Variants in DISC1 observed in about 807,000 individuals in gnomAD.
DISC1 encodes disrupted in schizophrenia 1 protein.
Under a neutral mutation model 84.5 loss-of-function variants are expected in DISC1, and 57 were observed. The observed-to-expected ratio is 0.67, with a 90% confidence interval of 0.55 to 0.84. The LOEUF is 0.84. DISC1 is among the 40% of genes least tolerant of loss of function. DISC1 has a pLI of 0.00. For synonymous variants in DISC1, 411 were observed against 415.2 expected (o/e 0.99, Z 0.12); for missense variants, 1,000 against 1,057.8 (o/e 0.95, Z 0.76).
intron 6 of DISC1, among the ~76,000 whole-genome samples, chr1:231,775,853 GA>G (rs1273867491): frequency 2.0e-5 from 3 of 151,862 alleles, no homozygotes; most frequent in African/African-American, 4.8e-5. Flanking sequence ...TCTCCCACAC[GA>G]AACCCATGGT....
intron 11 of DISC1, among the ~76,000 whole-genome samples, chr1:232,022,311 C>CTTT (rs764839678): frequency 7.4e-6 from 1 of 135,936 alleles, no homozygotes; most frequent in Non-Finnish European, 1.6e-5. Context: ...ACCCATGGTT[C>CTTT]TTTTTTTTTT....
At chr1:231,640,733 C>T (rs548198682) in intron 1 of DISC1, among the ~76,000 whole-genome samples, 36 of 151,982 alleles carry the variant, frequency 2.4e-4, no homozygotes, top group African/African-American at 7.7e-4. Context: ...ACAGGATCTC[C>T]CTATGTTACC....
intron 1 of DISC1, among the ~76,000 whole-genome samples, chr1:231,628,423 A>T (rs558392697): frequency 6.6e-6 from 1 of 152,370 alleles, no homozygotes; most frequent in East Asian, 1.9e-4. Flanking sequence ...CACATATAAG[A>T]CATGATAGTA....
At chr1:232,027,111 C>G (rs931069072) in intron 12 of DISC1, among the ~76,000 whole-genome samples, 1 of 152,148 alleles carries the variant, frequency 6.6e-6, no homozygotes, top group Non-Finnish European at 1.5e-5. Context: ...GACATGCACA[C>G]GAGGAAGCCA....
intron 6 of DISC1, among the ~76,000 whole-genome samples, chr1:231,791,664 C>A (rs1254188671): frequency 6.6e-6 from 1 of 152,122 alleles, no homozygotes; most frequent in African/African-American, 2.4e-5. Flanking sequence ...TTGTGTGTTT[C>A]TAGGGTAAGG....
At chr1:231,751,088 T>A (rs1175681222) in intron 4 of DISC1, among the ~76,000 whole-genome samples, 1 of 152,246 alleles carries the variant, frequency 6.6e-6, no homozygotes, top group Non-Finnish European at 1.5e-5. Flanking sequence ...CTTAGTGAAC[T>A]TTTTCATGGT....
rs189101828 is a variant in DISC1 at position 231,694,106 on chromosome 1, G to T, written c.348G>T (p.Ala116=). The change falls in exon 2 of 13, where the codon GCG becomes GCT. Residue 116 remains alanine (A), a synonymous_variant. Transcript: ENST00000439617. ...PTVTSVRGTS[A]HFGIQLRGGT... is the part of the protein sequence containing the mutation. The stretch of plus-strand genomic sequence containing the variant: ...TGACCTCTGTGAGAGGAACCTCGGC[G>T]CACTTTGGGATTCAGCTCAGAGGTG... The T allele has an allele frequency of 6.2e-7, 1 of 1,614,166 alleles. No individual in the cohort carries two copies. The highest frequency in any genetic ancestry group is 1.1e-5 in the South Asian group (1 of 91,084).
At chr1:231,701,327 T>C (rs775283694) in intron 2 of DISC1, among the ~76,000 whole-genome samples, 9 of 152,146 alleles carry the variant, frequency 5.9e-5, no homozygotes, top group Non-Finnish European at 1.2e-4. Flanking sequence ...CAAGATGAGA[T>C]TTGGGTGGGG....
At chr1:231,880,501 T>C (rs2086211301) in intron 9 of DISC1, among the ~76,000 whole-genome samples, 1 of 152,222 alleles carries the variant, frequency 6.6e-6, no homozygotes. Context: ...TTGCTCTTGA[T>C]TTTATTTCAA....
Position 231,800,154 on chromosome 1 carries a change from A to T in DISC1, c.1736A>T (p.Asn579Ile), listed in dbSNP as rs748075518. ...KFCSTLRKKV[N>I]DIETQLPALL... ...TGCAGCACCCTGAGGAAGAAAGTTA[A>T]CGATATTGAAACCCAACTACCAGCC... The change falls in exon 8 of 13, where the codon AAC (asparagine) becomes ATC (isoleucine). Residue 579 changes from asparagine to isoleucine, a missense_variant. Around this residue, in one of 3 missense-constraint regions of DISC1, gnomAD observed 397 missense variants for 377.5 expected, o/e 1.05. Transcript: ENST00000439617. 1.4e-5 allele frequency: 23 copies of T among 1,611,952 alleles called. No homozygotes were observed. The highest frequency in any genetic ancestry group is 1.9e-5 in the Non-Finnish European group (23 of 1,179,716).
chr1:231,914,365 T>C (rs2089468339), intron 9 of DISC1, among the ~76,000 whole-genome samples: 1 of 152,250 alleles, frequency 6.6e-6, no homozygotes, highest in Admixed American at 6.5e-5. Flanking sequence ...TTTATTTTTA[T>C]TTATTTAATT....
intron 3 of DISC1, among the ~76,000 whole-genome samples, chr1:231,715,837 C>CT (rs1190156411): frequency 6.6e-6 from 1 of 152,082 alleles, no homozygotes; most frequent in Non-Finnish European, 1.5e-5. Flanking sequence ...AGTTTCCAAA[C>CT]AAAGAGCCGT....
intron 1 of DISC1, among the ~76,000 whole-genome samples, chr1:231,654,613 C>T (rs894301799): frequency 3.9e-5 from 6 of 152,160 alleles, no homozygotes; most frequent in African/African-American, 1.4e-4. Flanking sequence ...AACATCTTCC[C>T]ATCCACTTCT....
At chr1:231,712,327 T>C (rs2067980053) in intron 3 of DISC1, among the ~76,000 whole-genome samples, 1 of 152,258 alleles carries the variant, frequency 6.6e-6, no homozygotes, top group Non-Finnish European at 1.5e-5. Flanking sequence ...CCAATTTATA[T>C]ACGGCATAAC....
At chr1:231,648,289 G>A (rs548600687) in intron 1 of DISC1, among the ~76,000 whole-genome samples, 3 of 152,236 alleles carry the variant, frequency 2.0e-5, no homozygotes, top group African/African-American at 7.2e-5. Context: ...TTTTGTTGAA[G>A]GCCTTTTCTG....
chr1:231,742,556 T>TTGG (rs1170030389), intron 3 of DISC1, among the ~76,000 whole-genome samples: 1 of 152,094 alleles, frequency 6.6e-6, no homozygotes, highest in Non-Finnish European at 1.5e-5. Context: ...GAAGATCACT[T>TTGG]GAGGCCAGGA....
chr1:231,923,373 T>G (rs1193937829), intron 9 of DISC1, among the ~76,000 whole-genome samples: 4 of 152,090 alleles, frequency 2.6e-5, no homozygotes, highest in Non-Finnish European at 5.9e-5. Context: ...TAGTAAAATC[T>G]TGGACTTGAG....
At chr1:231,734,481 GCTCTCTCT>G (rs5781667) in intron 3 of DISC1, among the ~76,000 whole-genome samples, 4 of 150,300 alleles carry the variant, frequency 2.7e-5, no homozygotes, top group East Asian at 3.9e-4. Context: ...GGCATCACGT[GCTCTCTCT>G]CTCTCTCTCT....
At chr1:231,634,966 G>C (rs915991566) in intron 1 of DISC1, among the ~76,000 whole-genome samples, 11 of 152,010 alleles carry the variant, frequency 7.2e-5, no homozygotes, top group African/African-American at 2.7e-4. Flanking sequence ...AATGTAGATT[G>C]TTCTCAAGGG....
Sources: allele counts gnomAD v4.1 joint callset (sites outside exome capture counted in the v4.1 genomes callset), GRCh38; gene constraint gnomAD v4.1.1; regional missense constraint gnomAD v4.1.1; transcripts MANE v1.5; gene names NCBI Gene and HGNC (gene_info 2026-07-23, HGNC 2026-07-21).